Variants in EXOC6B observed in about 807,000 individuals in gnomAD.
EXOC6B encodes the protein SEC15 homolog B.
Under a neutral mutation model 113.5 loss-of-function variants are expected in EXOC6B, and 54 were observed. The ratio of observed to expected loss-of-function variants is 0.48; its 90% confidence interval spans 0.38 to 0.60. The LOEUF (loss-of-function observed/expected upper bound fraction) is 0.60, where lower values mean the gene tolerates loss of function less well. Among genes scored for constraint, EXOC6B ranks in the 20% least tolerant of loss-of-function variants. EXOC6B has a pLI of 0.00. For synonymous variants in EXOC6B, 357 were observed against 339.0 expected (o/e 1.05, Z -0.58); for missense variants, 797 against 977.5 (o/e 0.82, Z 2.46).
At chr2:72,430,034 A>G (rs6733538) in intron 18 of EXOC6B, among the ~76,000 whole-genome samples, 29,475 of 152,150 alleles carry the variant, frequency 0.19, 5,167 homozygotes, top group African/African-American at 0.47. Context: ...AAAACTGTAT[A>G]GCTTTCCAAG....
At chr2:72,673,356 T>C (rs1373916715) in intron 6 of EXOC6B, among the ~76,000 whole-genome samples, 1 of 152,196 alleles carries the variant, frequency 6.6e-6, no homozygotes, top group African/African-American at 2.4e-5. Flanking sequence ...TGATTGACAA[T>C]AACCTGCCCA....
chr2:72,184,006 A>T (rs1027076026), intron 21 of EXOC6B, 69 bp downstream of exon 21: 31 of 896,968 alleles, frequency 3.5e-5, no homozygotes, highest in Non-Finnish European at 5.4e-5. Flanking sequence ...TGGCAAAATT[A>T]TCTTCTACGC....
At chr2:72,360,275 A>T (rs1021349554) in intron 19 of EXOC6B, among the ~76,000 whole-genome samples, 2 of 151,924 alleles carry the variant, frequency 1.3e-5, no homozygotes, top group Non-Finnish European at 2.9e-5. Flanking sequence ...TTTGGTAGAG[A>T]CAGGGTCTCA....
Position 72,636,315 on chromosome 2 carries a change from G to A in EXOC6B, c.670-60647C>T, listed in dbSNP as rs1004032604. ...AAGAAGGCAGGGAGGGAGGCAGGGAGGGAGGGAGGGAAGGAGGGAAGGAAG... is the reference window on the plus strand; with the variant it reads ...AAGAAGGCAGGGAGGGAGGCAGGGAAGGAGGGAGGGAAGGAGGGAAGGAAG... On this transcript the variant is annotated intron_variant, in intron 6 of 21. Transcript: ENST00000272427. Among the ~76,000 whole-genome samples the A allele has an allele frequency of 2.4e-5, 3 of 126,252 alleles. No individual in the cohort carries two copies. In the East Asian group the frequency reaches 6.9e-4, roughly 29 times the overall value. The allele number at this position is 126,252 out of a possible 152,430, so 82.8% of individuals were successfully genotyped here. A position where few individuals can be genotyped will look rare whatever the true frequency, so the allele number is the denominator to read the frequency against.
At chr2:72,552,930 T>G (rs1332031846) in intron 8 of EXOC6B, among the ~76,000 whole-genome samples, 3 of 152,012 alleles carry the variant, frequency 2.0e-5, no homozygotes, top group Non-Finnish European at 4.4e-5. Context: ...GTCAGATATA[T>G]TCTCTTTAAG....
At chr2:72,485,650 A>G (rs1374559545) in intron 16 of EXOC6B, among the ~76,000 whole-genome samples, 4 of 152,250 alleles carry the variant, frequency 2.6e-5, no homozygotes, top group Admixed American at 2.0e-4. Context: ...TACAAAGTTT[A>G]TATTTGACTA....
intron 18 of EXOC6B, among the ~76,000 whole-genome samples, chr2:72,395,602 C>T (rs1039795336): frequency 2.0e-5 from 3 of 151,916 alleles, no homozygotes; most frequent in African/African-American, 7.3e-5. Context: ...GGTGCATGAA[C>T]CAACACATCC....
At chr2:72,482,422 G>C (rs1699156498) in intron 16 of EXOC6B, among the ~76,000 whole-genome samples, 1 of 151,858 alleles carries the variant, frequency 6.6e-6, no homozygotes, top group Admixed American at 6.6e-5. Flanking sequence ...GGTTGTGGCA[G>C]GTAGCGGGGA....
chr2:72,782,893 T>C (rs977907966), intron 1 of EXOC6B, among the ~76,000 whole-genome samples: 1 of 152,248 alleles, frequency 6.6e-6, no homozygotes, highest in Non-Finnish European at 1.5e-5. Context: ...TTCCATTGTG[T>C]ATACCTCGTT....
chr2:72,285,504 T>C (rs1191681594), intron 20 of EXOC6B, among the ~76,000 whole-genome samples: 1 of 151,830 alleles, frequency 6.6e-6, no homozygotes, highest in Non-Finnish European at 1.5e-5. Flanking sequence ...ATCACAGAAA[T>C]AAATGTAAAA....
Position 72,246,198 on chromosome 2 carries a change from T to C in EXOC6B, c.2197-62011A>G, listed in dbSNP as rs369824257. 1.1e-4 allele frequency among the ~76,000 whole-genome samples: 17 copies of C among 152,308 alleles called. No homozygotes were observed. In the East Asian group the frequency reaches 1.9e-3, roughly 17 times the overall value. Reference sequence around the variant, plus strand: ...ACCACCATGTCCAGCCTTGTGTCACTCATCTTCAAATTTCAGTTTGGATGT... The same window carrying C: ...ACCACCATGTCCAGCCTTGTGTCACCCATCTTCAAATTTCAGTTTGGATGT... On this transcript the variant is annotated intron_variant, in intron 20 of 21. Transcript: ENST00000272427.
At chr2:72,423,366 C>A (rs892864430) in intron 18 of EXOC6B, among the ~76,000 whole-genome samples, 1 of 152,062 alleles carries the variant, frequency 6.6e-6, no homozygotes, top group African/African-American at 2.4e-5. Context: ...GTCAGTGAGA[C>A]CAAGAACCCA....
At chr2:72,529,052 T>C (rs1165957782) in intron 8 of EXOC6B, among the ~76,000 whole-genome samples, 1 of 152,176 alleles carries the variant, frequency 6.6e-6, no homozygotes, top group Non-Finnish European at 1.5e-5. Flanking sequence ...TTCCTTGCTC[T>C]AATGCACTGG....
Position 72,283,010 on chromosome 2 carries a change from A to T in EXOC6B, c.2196+51937T>A, listed in dbSNP as rs114122446. Among the ~76,000 whole-genome samples the T allele has an allele frequency of 7.9e-3, 1,196 of 152,266 alleles. 17 individuals are homozygous for T. Among genetic ancestry groups the T allele is most frequent in the African/African-American group, 0.028 (1,145 of 41,572 alleles). ...ACAAAACAATTAGAACAAAACTAAA[A>T]AATCATTAGAGATATAGAATACTTG... On this transcript the variant is annotated intron_variant, in intron 20 of 21. Transcript: ENST00000272427.
rs141813957 is a variant in EXOC6B, at chr2:72,586,535, A to G, written c.670-10867T>C. On this transcript the variant is annotated intron_variant, in intron 6 of 21. Transcript: ENST00000272427. ...TGGGAGGCCGAGGTGGGCAGATCACAAGGTCAAGAGGTCGAGACCATCCTG... is the reference window on the plus strand; with the variant it reads ...TGGGAGGCCGAGGTGGGCAGATCACGAGGTCAAGAGGTCGAGACCATCCTG... 2.3e-3 allele frequency among the ~76,000 whole-genome samples: 351 copies of G among 152,082 alleles called. 3 individuals carry two copies. The highest frequency in any genetic ancestry group is 7.4e-3 in the African/African-American group (306 of 41,482).
At chr2:72,325,830 G>A (rs1008357848) in intron 20 of EXOC6B, among the ~76,000 whole-genome samples, 6 of 151,928 alleles carry the variant, frequency 3.9e-5, no homozygotes, top group Admixed American at 2.0e-4. Context: ...CCTGGTTCCT[G>A]GACTTGCCCT....
At chr2:72,274,824 A>C (rs748361582) in intron 20 of EXOC6B, among the ~76,000 whole-genome samples, 3 of 152,180 alleles carry the variant, frequency 2.0e-5, no homozygotes, top group African/African-American at 7.2e-5. Flanking sequence ...AGTGAAGCTA[A>C]ACAGTTTGTT....
intron 20 of EXOC6B, among the ~76,000 whole-genome samples, chr2:72,198,682 T>C (rs571261190): frequency 6.6e-6 from 1 of 152,336 alleles, no homozygotes; most frequent in East Asian, 1.9e-4. Context: ...TTTAACATCC[T>C]TCTACTATGC....
At chr2:72,702,176 G>T (rs1421603698) in intron 6 of EXOC6B, among the ~76,000 whole-genome samples, 22 of 148,200 alleles carry the variant, frequency 1.5e-4, no homozygotes, top group South Asian at 6.5e-4. Flanking sequence ...GCGGTGTTTG[G>T]TTTTTTGTTC....
Sources: gnomAD v4.1 joint callset for allele counts (sites outside exome capture counted in the v4.1 genomes callset) on GRCh38, gnomAD v4.1.1 for gene constraint, MANE v1.5 for transcripts, NCBI Gene and HGNC (gene_info 2026-07-23, HGNC 2026-07-21) for gene names.